IQCH: variants seen among roughly 807,000 people sequenced by gnomAD.
The protein encoded by IQCH is IQ motif containing H, also known as IQ domain-containing protein H.
Under a neutral mutation model 117.0 loss-of-function variants are expected in IQCH, and 98 were observed. The observed-to-expected ratio is 0.84, with a 90% CI of 0.71 to 0.99. The LOEUF (loss-of-function observed/expected upper bound fraction) is 0.99, where lower values mean the gene tolerates loss of function less well. Ranked by LOEUF, IQCH falls within the 50% of genes least tolerant of loss-of-function variation. The probability of loss-of-function intolerance (pLI) is 0.00; values close to 1 mark genes in which losing one functional copy is unlikely to be tolerated. For missense variants in IQCH, 1,102 were observed against 1,243.8 expected, an observed-to-expected ratio of 0.89 and a Z score of 1.72; for synonymous variants, 412 against 448.2, an observed-to-expected ratio of 0.92 and a Z score of 1.02.
intron 2 of IQCH, 116 bp downstream of exon 2, chr15:67,261,510 C>A: frequency 1.3e-6 from 1 of 755,454 alleles, no homozygotes; most frequent in Non-Finnish European, 2.1e-6. Flanking sequence ...GAATTTAGGG[C>A]AGTCGTCAGC....
At chr15:67,273,808 TC>T (rs1379360096) in intron 3 of IQCH, among the ~76,000 whole-genome samples, 1 of 152,230 alleles carries the variant, frequency 6.6e-6, no homozygotes, top group East Asian at 1.9e-4. Context: ...GTGACTTTTT[TC>T]TTTCAGACTG....
chr15:67,500,661 TA>T lies in IQCH; in HGVS notation c.3001del (p.Arg1001GlufsTer2). 1 of 1,596,346 alleles carries T rather than the reference TA, an allele frequency of 6.3e-7. No individual in the cohort carries two copies. The highest frequency in any genetic ancestry group is 8.6e-7 in the Non-Finnish European group (1 of 1,165,416). On this transcript the variant is annotated frameshift_variant, in exon 21 of 21. Transcript: ENST00000335894. LOFTEE classifies it low-confidence loss of function (END_TRUNC). This position sits in a 1 kb window ranked among gnomAD's most constrained non-coding sequence, Gnocchi z 4.4. Reference protein sequence around the residue: ...KTTIADIETILRVTKENKMRF... With the variant: ...KTTIADIETIXRVTKENKMRF... ...ACCATTGCTGATATTGAAACTATTC[TA>T]AGAGTAACAAAGGAAAACAAAATGA...
chr15:67,369,979 C>T lies in IQCH; in HGVS notation c.754-2132C>T, dbSNP rs906482193. Among the ~76,000 whole-genome samples, 2 of 152,170 alleles carry T rather than the reference C, an allele frequency of 1.3e-5. No individual in the cohort carries two copies. The highest frequency in any genetic ancestry group is 2.4e-5 in the African/African-American group (1 of 41,446). ...TGTTTCCTTTGAGAGCAGGTCTTTG[C>T]TGGAATATCATCCAAGAAGGTAGAA... On this transcript the variant is annotated intron_variant, in intron 8 of 20. Coordinates refer to ENST00000335894, the MANE Select transcript of IQCH (RefSeq NM_001031715.3). This position sits in a 1 kb window ranked among gnomAD's most constrained non-coding sequence, Gnocchi z 5.2.
intron 14 of IQCH, among the ~76,000 whole-genome samples, chr15:67,414,716 C>T (rs1488468692): frequency 2.0e-5 from 3 of 149,580 alleles, no homozygotes; most frequent in Non-Finnish European, 4.4e-5. Flanking sequence ...CACTTTTTTA[C>T]TAGTTCAGTT....
Position 67,400,104 on chromosome 15 carries a change from G to A in IQCH, c.1906-10G>A. On this transcript the variant is annotated splice_polypyrimidine_tract_variant and intron_variant, in intron 13 of 20. Coordinates refer to ENST00000335894, the MANE Select transcript of IQCH (RefSeq NM_001031715.3). ...CTGTATTAAATGCAGCTGTGTCTTTGGCCTCACAGATGATAGAGCAGCTGA... is the reference window on the plus strand; with the variant it reads ...CTGTATTAAATGCAGCTGTGTCTTTAGCCTCACAGATGATAGAGCAGCTGA... 27 of 1,611,010 alleles carry A rather than the reference G, an allele frequency of 1.7e-5. No individual in the cohort carries two copies. Among genetic ancestry groups the A allele is most frequent in the Non-Finnish European group, 2.2e-5 (26 of 1,177,614 alleles).
rs1241165987 is a variant in IQCH, at chr15:67,364,542, T to C, written c.753+4657T>C. Among the ~76,000 whole-genome samples, 1 of 152,196 alleles carries C rather than the reference T, an allele frequency of 6.6e-6. No individual in the cohort carries two copies. The highest frequency in any genetic ancestry group is 1.5e-5 in the Non-Finnish European group (1 of 68,036). On this transcript the variant is annotated intron_variant, in intron 8 of 20. Coordinates refer to ENST00000335894, the MANE Select transcript of IQCH (RefSeq NM_001031715.3). The surrounding 1 kb of genome is among the most constrained non-coding windows in gnomAD (Gnocchi z 4.1). ...TTTTTATTACATGTGATTAATAATT[T>C]TGCTTATATACAACAGAAAAAAGGT...
Position 67,459,908 on chromosome 15 carries a change from G to A in IQCH, c.2506-5219G>A, listed in dbSNP as rs1282875962. ...CAGGTCTGCAATCCCAACACTTTTG[G>A]AGGCCAAGGCGAGAGTATCATTTGA... On this transcript the variant is annotated intron_variant, in intron 16 of 20. Transcript: ENST00000335894. This position sits in a 1 kb window ranked among gnomAD's most constrained non-coding sequence, Gnocchi z 4.2. 1 of 152,122 alleles carries A rather than the reference G, an allele frequency of 6.6e-6. No homozygotes were observed. The highest frequency in any genetic ancestry group is 2.4e-5 in the African/African-American group (1 of 41,398). The allele number at this position is 152,122 out of a possible 1,614,324, so 9.4% of individuals were successfully genotyped here. A position where few individuals can be genotyped will look rare whatever the true frequency, so the allele number is the denominator to read the frequency against.
At position 67,425,839 on chromosome 15, in the gene IQCH, C is replaced by T. The variant is rs772770625; in HGVS notation, c.2505+4262C>T. 2.0e-5 allele frequency among the ~76,000 whole-genome samples: 3 copies of T among 152,130 alleles called. No individual in the cohort carries two copies. Among genetic ancestry groups the T allele is most frequent in the Admixed American group, 6.5e-5 (1 of 15,270 alleles). On this transcript the variant is annotated intron_variant, in intron 16 of 20. Coordinates refer to ENST00000335894, the MANE Select transcript of IQCH (RefSeq NM_001031715.3). The surrounding 1 kb of genome is among the most constrained non-coding windows in gnomAD (Gnocchi z 5.5). ...ATTTCTGGCAATCTACTGCAAGAAA[C>T]AATTTTCCTTCTCCACCTCTCATTT...
intron 18 of IQCH, among the ~76,000 whole-genome samples, chr15:67,483,550 CT>C (rs1321501901): frequency 1.3e-5 from 2 of 152,176 alleles, no homozygotes; most frequent in Non-Finnish European, 2.9e-5. Flanking sequence ...ACAGAAGCAT[CT>C]AAGGTGAGTG....
chr15:67,500,606 A>G lies in IQCH; in HGVS notation c.2971-27A>G. 8.4e-7 allele frequency: 1 copy of G among 1,191,936 alleles called. No homozygotes were observed. The highest frequency in any genetic ancestry group is 1.2e-6 in the Non-Finnish European group (1 of 814,214). The allele number at this position is 1,191,936 out of a possible 1,614,324, so 73.8% of individuals were successfully genotyped here. A position where few individuals can be genotyped will look rare whatever the true frequency, so the allele number is the denominator to read the frequency against. ...GGAGAGGGATTGTAAGAGGTCTTTA[A>G]GTAATAAATATTGTCTTTATTTACA... On this transcript the variant is annotated intron_variant, in intron 20 of 20. Coordinates refer to ENST00000335894, the MANE Select transcript of IQCH (RefSeq NM_001031715.3). The surrounding 1 kb of genome is among the most constrained non-coding windows in gnomAD (Gnocchi z 4.4).
intron 4 of IQCH, among the ~76,000 whole-genome samples, chr15:67,336,458 A>G (rs1162176825): frequency 1.1e-4 from 16 of 152,218 alleles, no homozygotes; most frequent in African/African-American, 4.8e-5. Flanking sequence ...AAAAGTAATT[A>G]TCTTCTCTAA....
Position 67,362,197 on chromosome 15 carries a change from C to T in IQCH, c.753+2312C>T, listed in dbSNP as rs114619609. Among the ~76,000 whole-genome samples, 595 of 150,726 alleles carry T rather than the reference C, an allele frequency of 3.9e-3. 1 individual carries two copies. The highest frequency in any genetic ancestry group is 0.013 in the African/African-American group (553 of 41,036). On this transcript the variant is annotated intron_variant, in intron 8 of 20. Transcript: ENST00000335894. ...TACACACGTATATTTACAGCAAAGACGACAAAAAATTAAACAAAAATGTGT... is the reference window on the plus strand; with the variant it reads ...TACACACGTATATTTACAGCAAAGATGACAAAAAATTAAACAAAAATGTGT...
chr15:67,455,283 A>C (rs936451440), intron 16 of IQCH, among the ~76,000 whole-genome samples: 2 of 152,176 alleles, frequency 1.3e-5, no homozygotes, highest in Non-Finnish European at 2.9e-5. Flanking sequence ...TCTCCTCTCT[A>C]GGAATTTCCC....
intron 18 of IQCH, among the ~76,000 whole-genome samples, chr15:67,487,953 G>GA (rs1407086836): frequency 6.7e-6 from 1 of 149,514 alleles, no homozygotes; most frequent in African/African-American, 2.5e-5. Context: ...ATTTTCAAAG[G>GA]AAAAAAAAAA....
Position 67,394,986 on chromosome 15 carries a change from T to C in IQCH, c.1633-305T>C, listed in dbSNP as rs112825527. ...CAGAAGTGTTGCAGAGATGACTTGC[T>C]ATTACCCAAAGGCCGCCAGCCTCTT... On this transcript the variant is annotated intron_variant, in intron 12 of 20. Transcript: ENST00000335894. Among the ~76,000 whole-genome samples the C allele has an allele frequency of 8.5e-5, 13 of 152,308 alleles. 2 individuals are homozygous for C. The highest frequency in any genetic ancestry group is 3.1e-4 in the African/African-American group (13 of 41,562).
At chr15:67,478,779 C>T (rs2083272810) in intron 18 of IQCH, among the ~76,000 whole-genome samples, 1 of 151,972 alleles carries the variant, frequency 6.6e-6, no homozygotes, top group South Asian at 2.1e-4. Context: ...CAAAAATTAG[C>T]TGGGTGTGTT....
chr15:67,354,708 C>T (rs1969814955), intron 6 of IQCH, among the ~76,000 whole-genome samples: 1 of 152,124 alleles, frequency 6.6e-6, no homozygotes, highest in Admixed American at 6.5e-5. Flanking sequence ...AGAAAAATAC[C>T]AGTGGCCTAA....
In IQCH at chr15:67,395,222, AT is replaced by A. The variant is rs1302017361; in HGVS notation, c.1633-67del. ...TAATAATGTATTTATTATGTGCAAC[AT>A]TATAAATTAGGTGTATGGACTAGAA... On this transcript the variant is annotated intron_variant, in intron 12 of 20. Coordinates refer to ENST00000335894, the MANE Select transcript of IQCH (RefSeq NM_001031715.3). This position sits in a 1 kb window ranked among gnomAD's most constrained non-coding sequence, Gnocchi z 4.0. The A allele has an allele frequency of 1.4e-6, 2 of 1,471,926 alleles. No individual in the cohort carries two copies. The highest frequency in any genetic ancestry group is 4.0e-5 in the Admixed American group (2 of 50,616). The allele number at this position is 1,471,926 out of a possible 1,614,324, so 91.2% of individuals were successfully genotyped here. A position where few individuals can be genotyped will look rare whatever the true frequency, so the allele number is the denominator to read the frequency against.
At position 67,388,640 on chromosome 15, in the gene IQCH, C is replaced by G. The variant is rs1028131775; in HGVS notation, c.1457-191C>G. ...TTGGTGGTGGTGTTATTTATATTTT[C>G]TTTAGAGAAATGCCGAACTGTAAAA... On this transcript the variant is annotated intron_variant, in intron 11 of 20. Coordinates refer to ENST00000335894, the MANE Select transcript of IQCH (RefSeq NM_001031715.3). This position sits in a 1 kb window ranked among gnomAD's most constrained non-coding sequence, Gnocchi z 5.5. Among the ~76,000 whole-genome samples the G allele has an allele frequency of 1.3e-5, 2 of 152,086 alleles. No individual in the cohort carries two copies. Among genetic ancestry groups the G allele is most frequent in the African/African-American group, 2.4e-5 (1 of 41,402 alleles).
Sources: allele counts gnomAD v4.1 joint callset (sites outside exome capture counted in the v4.1 genomes callset), GRCh38; gene constraint gnomAD v4.1.1; non-coding constraint Gnocchi (gnomAD v3.1); transcripts MANE v1.5; gene names NCBI Gene and HGNC (gene_info 2026-07-23, HGNC 2026-07-21).